SLC38A6: variants seen among roughly 807,000 people sequenced by gnomAD.
The protein encoded by SLC38A6 is N system amino acid transporter NAT-1.
SLC38A6 carries 73 observed loss-of-function variants against 65.0 expected under a neutral mutation model. That is an observed-to-expected ratio of 1.12 (90% confidence interval 0.93 to 1.37). The LOEUF (loss-of-function observed/expected upper bound fraction) is 1.37, where lower values mean the gene tolerates loss of function less well. Ranked by LOEUF, SLC38A6 falls within the 40% of genes most tolerant of loss-of-function variation. SLC38A6 has a pLI of 0.00. For synonymous variants in SLC38A6, 183 were observed against 178.8 expected, an observed-to-expected ratio of 1.02 and a Z score of -0.19; for missense variants, 561 against 531.1, an observed-to-expected ratio of 1.06 and a Z score of -0.55.
intron 3 of SLC38A6, among the ~76,000 whole-genome samples, chr14:60,994,125 A>G (rs1322262061): frequency 6.6e-6 from 1 of 152,236 alleles, no homozygotes; most frequent in African/African-American, 2.4e-5. Flanking sequence ...TCTACACAAA[A>G]ACCTCCATAA....
chr14:60,981,784 G>A, intron 1 of SLC38A6: 2 of 1,198,494 alleles, frequency 1.7e-6, no homozygotes, highest in Non-Finnish European at 2.2e-6. Flanking sequence ...GTCATGGGGG[G>A]AGGGAAAATA....
chr14:61,062,901 AC>A (rs1173425172), intron 15 of SLC38A6, among the ~76,000 whole-genome samples: 2 of 152,020 alleles, frequency 1.3e-5, no homozygotes, highest in Admixed American at 6.5e-5. Context: ...CTGGTCGCAA[AC>A]TCCTGACCTC....
chr14:61,020,067 A>G (rs1281732575), intron 5 of SLC38A6, among the ~76,000 whole-genome samples: 4 of 152,130 alleles, frequency 2.6e-5, no homozygotes, highest in Non-Finnish European at 4.4e-5. Flanking sequence ...ATAAATAAGC[A>G]TTCTCACATT....
chr14:61,081,565 A>G (rs747513666), intron 16 of SLC38A6, among the ~76,000 whole-genome samples: 2 of 152,008 alleles, frequency 1.3e-5, no homozygotes, highest in East Asian at 1.9e-4. Flanking sequence ...TGTGCCTGTA[A>G]TCCCAGCTAC....
intron 15 of SLC38A6, among the ~76,000 whole-genome samples, chr14:61,070,328 T>G (rs1423425392): frequency 6.6e-6 from 1 of 152,258 alleles, no homozygotes; most frequent in African/African-American, 2.4e-5. Flanking sequence ...TGTGACTGGC[T>G]TGTTTCACTT....
chr14:61,069,499 G>A (rs2043151330), intron 15 of SLC38A6, among the ~76,000 whole-genome samples: 1 of 151,832 alleles, frequency 6.6e-6, no homozygotes, highest in Admixed American at 6.6e-5. Context: ...CACTTGATTT[G>A]CCTTTTATTA....
chr14:61,003,987 T>A lies in SLC38A6; in HGVS notation c.311-11917T>A, dbSNP rs1033541857. Among the ~76,000 whole-genome samples, 3 of 151,978 alleles carry A rather than the reference T, an allele frequency of 2.0e-5. No homozygotes were observed. In the South Asian group the frequency reaches 6.2e-4, roughly 32 times the overall value. On this transcript the variant is annotated intron_variant, in intron 3 of 15. Transcript: ENST00000267488. The stretch of plus-strand genomic sequence containing the variant: ...GCATTTAGAGATATTCTTATAAAAC[T>A]AAAAAAAATAGACCCAGGGAGCAAG...
At chr14:60,985,559 A>C (rs561093322) in intron 3 of SLC38A6, among the ~76,000 whole-genome samples, 1 of 152,312 alleles carries the variant, frequency 6.6e-6, no homozygotes, top group South Asian at 2.1e-4. Context: ...TTGATGCCAA[A>C]ATCATGGGTT....
intron 3 of SLC38A6, among the ~76,000 whole-genome samples, chr14:61,006,959 G>T (rs1276509057): frequency 6.6e-6 from 1 of 152,136 alleles, no homozygotes; most frequent in Non-Finnish European, 1.5e-5. Context: ...TTAAGAAAAT[G>T]TGGCACATAT....
At chr14:61,013,119 A>G (rs1342103232) in intron 3 of SLC38A6, among the ~76,000 whole-genome samples, 3 of 152,114 alleles carry the variant, frequency 2.0e-5, no homozygotes, top group Non-Finnish European at 4.4e-5. Context: ...TGTTGAATTG[A>G]TCCCTTTACC....
intron 15 of SLC38A6, among the ~76,000 whole-genome samples, chr14:61,075,973 A>T (rs1474946830): frequency 6.6e-6 from 1 of 151,980 alleles, no homozygotes; most frequent in East Asian, 1.9e-4. Flanking sequence ...CTCCTGCCTC[A>T]GCCTCCCAAG....
At position 61,037,647 on chromosome 14, in the gene SLC38A6, T is replaced by C. The variant is rs2041491760; in HGVS notation, c.588T>C (p.Ser196=). The part of the protein sequence containing the change: ...PKIGFLGYTS[S]LSFFFMMFFA... ...CAGGCTTTCTTGGCTACACAAGTAG[T>C]TTATCATTTTTCTTTATGATGTTCT... is the stretch of plus-strand genomic sequence containing the variant. The change falls in exon 8 of 16, where the codon AGT becomes AGC. Residue 196 remains serine (S), a synonymous_variant. Transcript: ENST00000267488. The C allele has an allele frequency of 2.5e-6, 4 of 1,594,490 alleles. No homozygotes were observed. Among genetic ancestry groups the C allele is most frequent in the Non-Finnish European group, 3.4e-6 (4 of 1,167,380 alleles).
intron 5 of SLC38A6, among the ~76,000 whole-genome samples, chr14:61,021,839 G>T (rs192764202): frequency 2.6e-5 from 4 of 151,640 alleles, no homozygotes; most frequent in Non-Finnish European, 5.9e-5. Context: ...GTCTTTTTTC[G>T]TAGCCAGATG....
At chr14:61,066,571 A>G in intron 15 of SLC38A6, among the ~76,000 whole-genome samples, 1 of 152,164 alleles carries the variant, frequency 6.6e-6, no homozygotes, top group African/African-American at 2.4e-5. Flanking sequence ...GGATGCTATA[A>G]AGAAAAAGAC....
At chr14:61,026,286 T>A (rs545422307) in intron 5 of SLC38A6, among the ~76,000 whole-genome samples, 1 of 152,266 alleles carries the variant, frequency 6.6e-6, no homozygotes, top group South Asian at 2.1e-4. Context: ...GGAGTGTTAA[T>A]ATTTCAAATA....
At chr14:61,075,696 C>T (rs533016398) in intron 15 of SLC38A6, among the ~76,000 whole-genome samples, 103 of 152,052 alleles carry the variant, frequency 6.8e-4, no homozygotes, top group African/African-American at 2.4e-3. Flanking sequence ...TTTCCCCTTA[C>T]GGTCATCTTG....
intron 4 of SLC38A6, among the ~76,000 whole-genome samples, chr14:61,018,920 C>T (rs2040181634): frequency 6.6e-6 from 1 of 152,146 alleles, no homozygotes; most frequent in Admixed American, 6.5e-5. Flanking sequence ...TAGCACCTGC[C>T]CCATTGAAGG....
chr14:61,081,164 G>A (rs774659769), intron 16 of SLC38A6, among the ~76,000 whole-genome samples: 1 of 94,546 alleles, frequency 1.1e-5, no homozygotes, highest in Admixed American at 1.0e-4. Flanking sequence ...AATCATAGGC[G>A]TTTTGAGCAG....
chr14:61,006,447 T>C (rs1226276937), intron 3 of SLC38A6, among the ~76,000 whole-genome samples: 2 of 152,004 alleles, frequency 1.3e-5, no homozygotes, highest in Non-Finnish European at 2.9e-5. Context: ...AGGGCTAATA[T>C]CTAGAATCTA....
Sources: allele counts gnomAD v4.1 joint callset (sites outside exome capture counted in the v4.1 genomes callset), GRCh38; gene constraint gnomAD v4.1.1; transcripts MANE v1.5; gene names NCBI Gene and HGNC (gene_info 2026-07-23, HGNC 2026-07-21).